CNKSR2: variants seen among roughly 807,000 people sequenced by gnomAD.
CNKSR2 encodes the protein connector enhancer of kinase suppressor of Ras 2, also known as CNK homolog protein 2.
Under a neutral mutation model 84.4 loss-of-function variants are expected in CNKSR2, and 14 were observed. The ratio of observed to expected loss-of-function variants is 0.17; its 90% CI spans 0.11 to 0.26. The LOEUF (loss-of-function observed/expected upper bound fraction) is 0.26, where lower values mean the gene tolerates loss of function less well. Ranked by LOEUF, CNKSR2 falls within the 10% of genes least tolerant of loss-of-function variation. CNKSR2 has a pLI of 1.00. For synonymous variants in CNKSR2, 275 were observed against 277.9 expected (o/e 0.99, Z 0.10); for missense variants, 485 against 771.2 (o/e 0.63, Z 4.40).
chrX:21,445,535 T>C (rs1043037305), intron 4 of CNKSR2, among the ~76,000 whole-genome samples: 1 of 110,794 alleles, frequency 9.0e-6, no homozygotes, highest in African/African-American at 3.3e-5. Flanking sequence ...TATAGAACAC[T>C]AGGATTTTTT....
chrX:21,550,319 CTCA>C (rs994243351), intron 11 of CNKSR2, among the ~76,000 whole-genome samples: 18 of 112,387 alleles, frequency 1.6e-4, no homozygotes, highest in African/African-American at 5.8e-4. Context: ...GAAAAAAAAG[CTCA>C]TCATCACTGG....
At chrX:21,445,907 A>G (rs772301847) in intron 4 of CNKSR2, among the ~76,000 whole-genome samples, 6 of 111,866 alleles carry the variant, frequency 5.4e-5, no homozygotes, top group Admixed American at 9.5e-5. Context: ...TGTAGTAAAC[A>G]TAGAGATGCT....
At chrX:21,475,243 CCA>C (rs1222622225) in intron 5 of CNKSR2, among the ~76,000 whole-genome samples, 3 of 111,693 alleles carry the variant, frequency 2.7e-5, no homozygotes, top group Non-Finnish European at 5.6e-5. Flanking sequence ...ATGGATACCC[CCA>C]TTTACCCTGA....
chrX:21,636,503 G>T (rs1226424783), intron 20 of CNKSR2, among the ~76,000 whole-genome samples: 1 of 110,978 alleles, frequency 9.0e-6, no homozygotes, highest in East Asian at 2.8e-4. Context: ...CCAATAGCTT[G>T]CTGTCCACCT....
intron 4 of CNKSR2, among the ~76,000 whole-genome samples, chrX:21,465,024 C>T (rs1439056257): frequency 8.9e-6 from 1 of 111,921 alleles, no homozygotes; most frequent in Non-Finnish European, 1.9e-5. Flanking sequence ...ATTGACTGTG[C>T]ATTTGTTCAG....
At chrX:21,513,402 C>T (rs1439448105) in intron 8 of CNKSR2, among the ~76,000 whole-genome samples, 1 of 112,202 alleles carries the variant, frequency 8.9e-6, no homozygotes, top group Non-Finnish European at 1.9e-5. Flanking sequence ...TTTCTACCCA[C>T]TCTATGTTTT....
At chrX:21,555,007 CTTT>C (rs368859808) in intron 11 of CNKSR2, among the ~76,000 whole-genome samples, 3 of 95,973 alleles carry the variant, frequency 3.1e-5, no homozygotes. Flanking sequence ...ATCTGTCTTT[CTTT>C]TTTTTTTTTT....
At chrX:21,526,087 T>C (rs2091832171) in intron 9 of CNKSR2, among the ~76,000 whole-genome samples, 1 of 110,778 alleles carries the variant, frequency 9.0e-6, no homozygotes, top group African/African-American at 3.3e-5. Flanking sequence ...ATTCAGTATA[T>C]ATATTATCTT....
chrX:21,575,207 TTATAAA>T (rs1299826842), intron 13 of CNKSR2, among the ~76,000 whole-genome samples: 1 of 111,935 alleles, frequency 8.9e-6, no homozygotes, highest in Non-Finnish European at 1.9e-5. Context: ...CTTTACTTGG[TTATAAA>T]TATAAAACAG....
At chrX:21,466,823 G>A (rs891260923) in intron 4 of CNKSR2, among the ~76,000 whole-genome samples, 6 of 111,181 alleles carry the variant, frequency 5.4e-5, no homozygotes, top group Non-Finnish European at 7.5e-5. Flanking sequence ...GTCCTCAAGC[G>A]ATCCGCCCAC....
intron 20 of CNKSR2, among the ~76,000 whole-genome samples, chrX:21,613,268 A>C (rs2092559633): frequency 8.9e-6 from 1 of 112,465 alleles, no homozygotes. Flanking sequence ...ATACAGCTTG[A>C]AGTCAGCTTA....
chrX:21,650,432 G>A (rs1371841340), intron 21 of CNKSR2, among the ~76,000 whole-genome samples: 1 of 101,352 alleles, frequency 9.9e-6, no homozygotes, highest in African/African-American at 3.6e-5. Context: ...GTCGGGGGGT[G>A]GGGGGCTAGG....
chrX:21,599,384 G>A (rs1471845763), intron 17 of CNKSR2, among the ~76,000 whole-genome samples: 2 of 93,435 alleles, frequency 2.1e-5, no homozygotes, highest in Non-Finnish European at 4.1e-5. Flanking sequence ...GTGTGTGTGT[G>A]AGATGGAGTC....
intron 13 of CNKSR2, among the ~76,000 whole-genome samples, chrX:21,579,117 G>A (rs745429187): frequency 8.0e-5 from 9 of 112,393 alleles, no homozygotes; most frequent in African/African-American, 2.6e-4. Flanking sequence ...AGCTGCAGCA[G>A]TGACTGACAC....
Position 21,642,028 on chromosome X carries a change from T to A in CNKSR2, c.2693-6803T>A, listed in dbSNP as rs982625146. ...TCAATAACTAGAAAATTCTGGCTGT[T>A]TAATGGACTCTTTGGTGGCCTCTTT... On this transcript the variant is annotated intron_variant, in intron 20 of 21. Transcript: ENST00000379510. The A allele has an allele frequency of 3.2e-5, 24 of 756,116 alleles. No individual in the cohort carries two copies. The African/African-American group carries it at 5.1e-4, about 16-fold the overall frequency. 62.3% of individuals were successfully genotyped at this position (756,116 alleles called of 1,213,427 possible).
At chrX:21,637,343 T>G (rs2147331132) in intron 20 of CNKSR2, 1 of 111,958 alleles carries the variant, frequency 8.9e-6, no homozygotes, top group East Asian at 2.8e-4. Flanking sequence ...CTTACCTGTT[T>G]TGCCTATGGC....
At chrX:21,513,080 ATGCT>A (rs1175042629) in intron 8 of CNKSR2, among the ~76,000 whole-genome samples, 3 of 112,273 alleles carry the variant, frequency 2.7e-5, no homozygotes, top group Non-Finnish European at 3.8e-5. Context: ...TGAATTGTTG[ATGCT>A]TGCGATTATT....
At position 21,652,411 on chromosome X, in the gene CNKSR2, G is replaced by T. The variant is rs1398718128; in HGVS notation, c.2995G>T (p.Asp999Tyr). ...GCAGATGTACCTCGACCTTTTCTTG[G>T]ATATCTGTCAAAATACCACCTCAAA... The part of the protein sequence containing the change: ...WKQMYLDLFL[D>Y]ICQNTTSNDP... Residue 999 changes from aspartate to tyrosine, a missense_variant, in exon 22 of 22, where the codon GAT becomes TAT. By Grantham distance (160) the Asp-to-Tyr change is radical. Coordinates refer to ENST00000379510, the MANE Select transcript of CNKSR2 (RefSeq NM_014927.5). The T allele has an allele frequency of 1.7e-6, 2 of 1,206,191 alleles. No individual in the cohort carries two copies. Among genetic ancestry groups the T allele is most frequent in the African/African-American group, 3.5e-5 (2 of 57,075 alleles).
At position 21,654,281 on chromosome X, in the gene CNKSR2, A is replaced by C. The variant is rs1302276491; in HGVS notation, c.*1760A>C. The stretch of plus-strand genomic sequence containing the variant: ...TGGGATTTTGTATATGTAAAAAAAA[A>C]AAAAAAAAAAAAACAAAAAACCTCT... On this transcript the variant is annotated 3_prime_UTR_variant, in exon 22 of 22. Coordinates refer to ENST00000379510, the MANE Select transcript of CNKSR2 (RefSeq NM_014927.5). 2 of 106,664 alleles carry C rather than the reference A, an allele frequency of 1.9e-5. No individual in the cohort carries two copies. Among genetic ancestry groups the C allele is most frequent in the African/African-American group, 6.8e-5 (2 of 29,564 alleles). 8.8% of individuals were successfully genotyped at this position (106,664 alleles called of 1,213,427 possible). A position where few individuals can be genotyped will look rare whatever the true frequency, so the allele number is the denominator to read the frequency against.
Sources: allele counts gnomAD v4.1 joint callset (sites outside exome capture counted in the v4.1 genomes callset), GRCh38; gene constraint gnomAD v4.1.1; transcripts MANE v1.5; gene names NCBI Gene and HGNC (gene_info 2026-07-23, HGNC 2026-07-21).